ATP2A3: variants seen among roughly 807,000 people sequenced by gnomAD.
ATP2A3 encodes sarcoplasmic/endoplasmic reticulum calcium ATPase 3.
ATP2A3 carries 61 observed loss-of-function variants against 106.8 expected under a neutral mutation model. The ratio of observed to expected loss-of-function variants is 0.57; its 90% confidence interval spans 0.46 to 0.71. ATP2A3 has a LOEUF of 0.71. Among genes scored for constraint, ATP2A3 ranks in the 30% least tolerant of loss-of-function variants. The pLI, the probability that ATP2A3 is intolerant of heterozygous loss-of-function variation, is 0.00. For missense variants in ATP2A3, 1,201 were observed against 1,423.5 expected (o/e 0.84, Z 2.52); for synonymous variants, 611 against 609.3 (o/e 1.00, Z -0.04).
intron 8 of ATP2A3, among the ~76,000 whole-genome samples, chr17:3,946,019 G>A (rs952571761): frequency 1.3e-5 from 2 of 152,120 alleles, no homozygotes; most frequent in Non-Finnish European, 1.5e-5. Context: ...AGGCCGAGGC[G>A]GGTGGATCAC....
In ATP2A3 at chr17:3,964,158, CGGCCCGCG is replaced by C. The variant is rs1567733907; in HGVS notation, c.118+8_118+15del. On this transcript the variant is annotated splice_region_variant and intron_variant, in intron 1 of 20. Coordinates refer to ENST00000397041, the MANE Select transcript of ATP2A3 (RefSeq NM_005173.4). ...GCGGCCCCCGCTCCCCGGCCCGGCC[CGGCCCGCG>C]CGCTCACCGTTGGGGCCGTAGCGCT... The C allele has an allele frequency of 3.5e-6, 4 of 1,144,746 alleles. No homozygotes were observed. In the East Asian group the frequency reaches 1.9e-4, roughly 55 times the overall value. 70.9% of individuals were successfully genotyped at this position (1,144,746 alleles called of 1,614,324 possible).
At chr17:3,962,597 C>T (rs983702010) in intron 1 of ATP2A3, among the ~76,000 whole-genome samples, 8 of 152,144 alleles carry the variant, frequency 5.3e-5, no homozygotes, top group African/African-American at 1.2e-4. Context: ...CACAGGTGTG[C>T]GCTGGCCAGG....
In ATP2A3 at chr17:3,929,375, T is replaced by C. The variant is rs760184338; in HGVS notation, c.2815A>G (p.Met939Val). 24 of 1,574,058 alleles carry C rather than the reference T, an allele frequency of 1.5e-5. No homozygotes were observed. The highest frequency in any genetic ancestry group is 4.7e-5 in the East Asian group (2 of 42,374). The change falls in exon 19 of 21, where the codon ATG becomes GTG. Residue 939 changes from methionine (M) to valine (V), a missense_variant. Met to Val is a conservative substitution (Grantham distance 21, BLOSUM62 1). Coordinates refer to ENST00000397041, the MANE Select transcript of ATP2A3 (RefSeq NM_005173.4). The surrounding 1 kb of genome is among the most constrained non-coding windows in gnomAD (Gnocchi z 4.3). ...MNPWLLVAVAMSMALHFLILL... is the reference protein window; with the variant it reads ...MNPWLLVAVAVSMALHFLILL... Reference sequence around the variant, plus strand: ...ATGAGGAAGTGCAGGGCCATGGACATGGCCACAGCCACCAGCAGCCAGGGG... The same window carrying C: ...ATGAGGAAGTGCAGGGCCATGGACACGGCCACAGCCACCAGCAGCCAGGGG...
At position 3,951,605 on chromosome 17, in the gene ATP2A3, G is replaced by C; in HGVS notation, c.300C>G (p.Ala100=). The part of the protein sequence containing the change: ...EPLVIMLILV[A]NAIVGVWQER... ...CCTGCCACACGCCCACAATGGCGTTGGCCACGAGGATCAGCATGATGACCA... is the reference window on the plus strand; with the variant it reads ...CCTGCCACACGCCCACAATGGCGTTCGCCACGAGGATCAGCATGATGACCA... The change falls in exon 4 of 21, where the codon GCC becomes GCG. Residue 100 remains alanine, a synonymous_variant. Transcript: ENST00000397041. 6.4e-7 allele frequency: 1 copy of C among 1,564,512 alleles called. No homozygotes were observed. Among genetic ancestry groups the C allele is most frequent in the Middle Eastern group, 1.7e-4 (1 of 5,864 alleles).
chr17:3,924,947 A>G lies in ATP2A3; in HGVS notation c.*475T>C, dbSNP rs2052623608. 1 of 418,760 alleles carries G rather than the reference A, an allele frequency of 2.4e-6. No individual in the cohort carries two copies. The highest frequency in any genetic ancestry group is 4.8e-6 in the Non-Finnish European group (1 of 209,618). 25.9% of individuals were successfully genotyped at this position (418,760 alleles called of 1,614,324 possible). On this transcript the variant is annotated 3_prime_UTR_variant, in exon 21 of 21. Transcript: ENST00000397041. This position sits in a 1 kb window ranked among gnomAD's most constrained non-coding sequence, Gnocchi z 6.4. ...TCCCCCAGGGCTGACCCAGTCCCAG[A>G]CCAGGCACGAAGAGAGAGGTCAGAG...
At chr17:3,961,301 C>T (rs891908757) in intron 1 of ATP2A3, among the ~76,000 whole-genome samples, 3 of 152,080 alleles carry the variant, frequency 2.0e-5, no homozygotes, top group African/African-American at 2.4e-5. Flanking sequence ...CAAGTAAAAG[C>T]CCCCCAAGGA....
In ATP2A3 at chr17:3,958,899, T is replaced by TATA. The variant is rs200008436; in HGVS notation, c.119-5190_119-5189insTAT. Among the ~76,000 whole-genome samples, 39 of 109,260 alleles carry TATA rather than the reference T, an allele frequency of 3.6e-4. 1 individual carries two copies. The highest frequency in any genetic ancestry group is 1.2e-3 in the African/African-American group (32 of 27,652). The allele number at this position is 109,260 out of a possible 152,430, so 71.7% of individuals were successfully genotyped here. On this transcript the variant is annotated intron_variant, in intron 1 of 20. Transcript: ENST00000397041. ...ACACACACACACACATATATATATA[T>TATA]TGTTTTTTTTCAGATGGAGTCTCAT... is the stretch of plus-strand genomic sequence containing the variant.
chr17:3,929,914 A>T lies in ATP2A3; in HGVS notation c.2744+387T>A, dbSNP rs2052955106. Among the ~76,000 whole-genome samples the T allele has an allele frequency of 1.3e-5, 2 of 148,404 alleles. No individual in the cohort carries two copies. Among genetic ancestry groups the T allele is most frequent in the African/African-American group, 5.0e-5 (2 of 39,842 alleles). On this transcript the variant is annotated intron_variant, in intron 18 of 20. Transcript: ENST00000397041. This position sits in a 1 kb window ranked among gnomAD's most constrained non-coding sequence, Gnocchi z 4.3. ...CCTTGACCCTCTGATCCCAATCCTGAACCCCCCAAACATCAGACCCCAACC... is the reference window on the plus strand; with the variant it reads ...CCTTGACCCTCTGATCCCAATCCTGTACCCCCCAAACATCAGACCCCAACC...
At position 3,937,634 on chromosome 17, in the gene ATP2A3, A is replaced by G. The variant is rs3179783; in HGVS notation, c.2103T>C (p.Thr701=). 0.19 allele frequency: 300,464 copies of G among 1,613,076 alleles called. 29,657 individuals are homozygous for G. The highest frequency in any genetic ancestry group is 0.33 in the African/African-American group (24,631 of 74,942). Residue 701 remains threonine (T), a splice_region_variant and synonymous_variant, in exon 15 of 21, where the codon ACT becomes ACC. Transcript: ENST00000397041. ...LQSFNEITAM[T]GDGVNDAPAL... ...CTGGTGCGTCGTTCACTCCATCGCC[A>G]GTCTGTGGGCCAGGTCAGGTAGGGC...
chr17:3,951,172 CA>C lies in ATP2A3; in HGVS notation c.463+78del, dbSNP rs1293759399. ...TGGGCAACAGAGCACGACTCCATCT[CA>C]AAAAATAAATAAATAAATAAATAAA... is the stretch of plus-strand genomic sequence containing the variant. On this transcript the variant is annotated intron_variant, in intron 5 of 20. Coordinates refer to ENST00000397041, the MANE Select transcript of ATP2A3 (RefSeq NM_005173.4). The C allele has an allele frequency of 5.0e-5, 57 of 1,149,538 alleles. 1 individual carries two copies. In the East Asian group the frequency reaches 2.4e-3, roughly 48 times the overall value. 71.2% of individuals were successfully genotyped at this position (1,149,538 alleles called of 1,614,324 possible).
intron 1 of ATP2A3, among the ~76,000 whole-genome samples, chr17:3,962,746 G>T (rs28569382): frequency 6.6e-6 from 1 of 152,310 alleles, no homozygotes; most frequent in East Asian, 1.9e-4. Flanking sequence ...TCGTACAGAA[G>T]CAGTATTTGT....
chr17:3,937,223 TCACCAGGGC>T (rs1279320945), intron 15 of ATP2A3, 184 bp downstream of exon 15: 3 of 683,080 alleles, frequency 4.4e-6, no homozygotes. Flanking sequence ...GATCCATAGG[TCACCAGGGC>T]CTCTGGAGAA....
intron 1 of ATP2A3, among the ~76,000 whole-genome samples, chr17:3,963,046 G>A (rs1190683348): frequency 6.6e-6 from 1 of 152,192 alleles, no homozygotes; most frequent in African/African-American, 2.4e-5. Context: ...TTTGAAAAAG[G>A]ATTTCTGCTC....
Position 3,928,586 on chromosome 17 carries a change from C to A in ATP2A3, c.2980+77G>T. Reference sequence around the variant, plus strand: ...GACAGAGAGGCTCTGCGCTCCACACCCACAGCGTCCACTGCAGCCCAGGAG... The same window carrying A: ...GACAGAGAGGCTCTGCGCTCCACACACACAGCGTCCACTGCAGCCCAGGAG... On this transcript the variant is annotated intron_variant, in intron 20 of 20. Coordinates refer to ENST00000397041, the MANE Select transcript of ATP2A3 (RefSeq NM_005173.4). The surrounding 1 kb of genome is among the most constrained non-coding windows in gnomAD (Gnocchi z 6.1). 7 of 1,312,928 alleles carry A rather than the reference C, an allele frequency of 5.3e-6. No individual in the cohort carries two copies. The highest frequency in any genetic ancestry group is 7.5e-6 in the Non-Finnish European group (7 of 931,782). The allele number at this position is 1,312,928 out of a possible 1,614,324, so 81.3% of individuals were successfully genotyped here.
intron 7 of ATP2A3, among the ~76,000 whole-genome samples, chr17:3,950,225 A>G (rs2532962): frequency 1 from 150,399 of 150,406 alleles, 75,196 homozygotes; most frequent in Middle Eastern, 1. Flanking sequence ...GCAGTGGCAC[A>G]ATCTTGGCTC....
chr17:3,948,370 T>C (rs2054236610), intron 7 of ATP2A3, among the ~76,000 whole-genome samples: 1 of 152,118 alleles, frequency 6.6e-6, no homozygotes, highest in Non-Finnish European at 1.5e-5. Context: ...TCCTCTTCTG[T>C]AAAGTGGTCC....
At chr17:3,960,342 G>A (rs2055067389) in intron 1 of ATP2A3, among the ~76,000 whole-genome samples, 1 of 152,234 alleles carries the variant, frequency 6.6e-6, no homozygotes, top group South Asian at 2.1e-4. Flanking sequence ...AGACGCCGCT[G>A]GCAGGAGTCT....
At position 3,941,193 on chromosome 17, in the gene ATP2A3, C is replaced by CCCG; in HGVS notation, c.1877_1878insCGG (p.Gly626dup). 1.2e-6 allele frequency: 2 copies of CCCG among 1,614,172 alleles called. No homozygotes were observed. The highest frequency in any genetic ancestry group is 1.7e-6 in the Non-Finnish European group (2 of 1,180,030). On this transcript the variant is annotated inframe_insertion, in exon 14 of 21. Coordinates refer to ENST00000397041, the MANE Select transcript of ATP2A3 (RefSeq NM_005173.4). ...TGGCCACGGCAGTGCCTTTGTTATC[C>CCCG]CCCGTGATCATGACCACGCGGATGC...
At chr17:3,927,254 G>T in intron 20 of ATP2A3, 6 of 985,480 alleles carry the variant, frequency 6.1e-6, no homozygotes, top group Non-Finnish European at 7.2e-6. Flanking sequence ...ATGCTGAAAG[G>T]CATCTGAGAC....
Sources: gnomAD v4.1 joint callset for allele counts (sites outside exome capture counted in the v4.1 genomes callset) on GRCh38, gnomAD v4.1.1 for gene constraint, Gnocchi (gnomAD v3.1) non-coding constraint, MANE v1.5 for transcripts, NCBI Gene and HGNC (gene_info 2026-07-23, HGNC 2026-07-21) for gene names.